POLR1A: variants seen among roughly 807,000 people sequenced by gnomAD.
POLR1A encodes the protein DNA-directed RNA polymerase I subunit RPA1.
Under a neutral mutation model 205.3 loss-of-function variants are expected in POLR1A, and 84 were observed. The ratio of observed to expected loss-of-function variants is 0.41; its 90% CI spans 0.34 to 0.49. The LOEUF (loss-of-function observed/expected upper bound fraction) is 0.49. Among genes scored for constraint, POLR1A ranks in the 20% least tolerant of loss-of-function variants. The pLI is 0.22. For synonymous variants in POLR1A, 799 were observed against 863.7 expected (o/e 0.93, Z 1.31); for missense variants, 1,645 against 2,204.5 (o/e 0.75, Z 5.08).
chr2:86,027,918 T>G lies in POLR1A; in HGVS notation c.5029A>C (p.Ser1677Arg). 6.2e-7 allele frequency: 1 copy of G among 1,614,246 alleles called. No homozygotes were observed. Among genetic ancestry groups the G allele is most frequent in the Non-Finnish European group, 8.5e-7 (1 of 1,180,044 alleles). ...SPLQQMTFETSFQFLKQATML... is the reference protein window; with the variant it reads ...SPLQQMTFETRFQFLKQATML... ...GTGGCTTGCTTCAGAAACTGGAAGC[T>G]GGTTTCAAATGTCATCTGCTGTAGC... Residue 1677 changes from serine to arginine, a missense_variant, in exon 33 of 34, where the codon AGC (serine) becomes CGC (arginine). Coordinates refer to ENST00000263857, the MANE Select transcript of POLR1A (RefSeq NM_015425.6).
chr2:86,022,067 TTAAA>T lies in POLR1A; in HGVS notation c.*5352_*5355del, dbSNP rs1183658265. On this transcript the variant is annotated 3_prime_UTR_variant, in exon 34 of 34. Coordinates refer to ENST00000263857, the MANE Select transcript of POLR1A (RefSeq NM_015425.6). Reference sequence around the variant, plus strand: ...TAAAGAACTTAAGGAACGAATCTGATTAAATAATTATGATTTAGCATTTTAAGTG... The same window carrying T: ...TAAAGAACTTAAGGAACGAATCTGATTAATTATGATTTAGCATTTTAAGTG... The T allele has an allele frequency of 6.6e-6, 1 of 152,224 alleles. No individual in the cohort carries two copies. Among genetic ancestry groups the T allele is most frequent in the African/African-American group, 2.4e-5 (1 of 41,450 alleles). The allele number at this position is 152,224 out of a possible 1,614,324, so 9.4% of individuals were successfully genotyped here.
intron 6 of POLR1A, among the ~76,000 whole-genome samples, chr2:86,085,118 C>T (rs1054280421): frequency 2.0e-5 from 3 of 152,082 alleles, no homozygotes; most frequent in Non-Finnish European, 4.4e-5. Context: ...TCCACCACCA[C>T]GCCCAGCTAA....
intron 3 of POLR1A, among the ~76,000 whole-genome samples, chr2:86,092,269 A>G (rs927606930): frequency 2.0e-5 from 3 of 152,228 alleles, no homozygotes; most frequent in African/African-American, 7.2e-5. Context: ...CTAGCTGGGC[A>G]TATCCTACGG....
At chr2:86,090,022 A>T (rs1673573763) in intron 3 of POLR1A, 93 bp from the exon 4 acceptor site, 2 of 691,416 alleles carry the variant, frequency 2.9e-6, no homozygotes, top group Non-Finnish European at 5.2e-6. Flanking sequence ...GGTGGAAAAG[A>T]TTCATTTGAA....
Position 86,044,045 on chromosome 2 carries a change from G to A in POLR1A, c.3135+94C>T, listed in dbSNP as rs1573807885. 3.3e-6 allele frequency: 4 copies of A among 1,229,584 alleles called. No individual in the cohort carries two copies. In the East Asian group the frequency reaches 9.5e-5, roughly 29 times the overall value. The allele number at this position is 1,229,584 out of a possible 1,614,324, so 76.2% of individuals were successfully genotyped here. ...CACTCTACTTTCCAATGGCCACTTG[G>A]ACTGGGTTGCAAAGCTCAGCGCATT... On this transcript the variant is annotated intron_variant, in intron 22 of 33. Coordinates refer to ENST00000263857, the MANE Select transcript of POLR1A (RefSeq NM_015425.6).
intron 16 of POLR1A, among the ~76,000 whole-genome samples, chr2:86,050,349 G>C (rs1429097976): frequency 1.3e-5 from 2 of 152,238 alleles, no homozygotes; most frequent in African/African-American, 4.8e-5. Flanking sequence ...CCCAACGCAA[G>C]GTCCTGGAGG....
chr2:86,077,852 CACACA>C lies in POLR1A; in HGVS notation c.1380+2_1380+6del. Reference sequence around the variant, plus strand: ...ACACACACACACACACACACACACACACACACCATGGGAATTCCAATTTCGTTGGT... The same window carrying C: ...ACACACACACACACACACACACACACCCATGGGAATTCCAATTTCGTTGGT... On this transcript the variant is annotated splice_donor_variant and splice_donor_5th_base_variant and intron_variant, in intron 11 of 33. Transcript: ENST00000263857. LOFTEE classifies it high-confidence loss of function. The C allele has an allele frequency of 6.4e-7, 1 of 1,553,102 alleles. No individual in the cohort carries two copies. The highest frequency in any genetic ancestry group is 1.4e-5 in the African/African-American group (1 of 69,938).
At chr2:86,104,217 G>C (rs928730008) in intron 1 of POLR1A, among the ~76,000 whole-genome samples, 2 of 152,068 alleles carry the variant, frequency 1.3e-5, no homozygotes, top group African/African-American at 4.8e-5. Context: ...GGAAGGAAAA[G>C]ACAATTCAAA....
At chr2:86,096,862 C>A (rs940635233) in intron 3 of POLR1A, among the ~76,000 whole-genome samples, 1 of 152,020 alleles carries the variant, frequency 6.6e-6, no homozygotes, top group Non-Finnish European at 1.5e-5. Context: ...CCAAAATAAA[C>A]AAATGAGATT....
intron 24 of POLR1A, among the ~76,000 whole-genome samples, chr2:86,040,760 C>T (rs984405678): frequency 6.6e-6 from 1 of 152,152 alleles, no homozygotes; most frequent in Non-Finnish European, 1.5e-5. Context: ...CAGCACAGAT[C>T]CCAGCTGGGT....
At chr2:86,067,897 A>T (rs1024746574) in intron 13 of POLR1A, among the ~76,000 whole-genome samples, 2 of 152,248 alleles carry the variant, frequency 1.3e-5, no homozygotes, top group African/African-American at 4.8e-5. Flanking sequence ...GAATGAAAGT[A>T]CAGTGAATCT....
chr2:86,090,434 T>C (rs1673582079), intron 3 of POLR1A, among the ~76,000 whole-genome samples: 1 of 136,514 alleles, frequency 7.3e-6, no homozygotes, highest in African/African-American at 2.8e-5. Flanking sequence ...CTACGTCCAA[T>C]AATGGTGGGC....
intron 3 of POLR1A, among the ~76,000 whole-genome samples, chr2:86,091,489 A>C (rs764664029): frequency 3.0e-4 from 46 of 152,208 alleles, no homozygotes; most frequent in Non-Finnish European, 5.7e-4. Context: ...GGGACAGGGA[A>C]AGGAGGGAGG....
chr2:86,065,535 C>A, intron 13 of POLR1A, 70 bp from the exon 14 acceptor site: 1 of 1,342,762 alleles, frequency 7.4e-7, no homozygotes, highest in South Asian at 1.3e-5. Flanking sequence ...TCCCTAATCG[C>A]CTGCCTGGAA....
At position 86,070,197 on chromosome 2, in the gene POLR1A, CCTGGATGGAGGGT is replaced by C; in HGVS notation, c.1674_1686del (p.Ser560ThrfsTer31). 6.2e-7 allele frequency: 1 copy of C among 1,614,126 alleles called. No individual in the cohort carries two copies. The highest frequency in any genetic ancestry group is 8.5e-7 in the Non-Finnish European group (1 of 1,180,014). On this transcript the variant is annotated frameshift_variant, in exon 13 of 34. Transcript: ENST00000263857. LOFTEE classifies it high-confidence loss of function. The surrounding 1 kb of genome is among the most constrained non-coding windows in gnomAD (Gnocchi z 4.4). ...TCAGGCAGGATGCGGGCACGGTGGG[CCTGGATGGAGGGT>C]CTGTGCAGTGTGGGCTGTCGGTTCA...
chr2:86,082,057 A>G (rs536328223), intron 7 of POLR1A, among the ~76,000 whole-genome samples: 1 of 152,102 alleles, frequency 6.6e-6, no homozygotes, highest in Non-Finnish European at 1.5e-5. Context: ...GCTGGTCTCG[A>G]ACTCCTGGGC....
chr2:86,082,400 C>T (rs533968925), intron 7 of POLR1A, among the ~76,000 whole-genome samples: 2 of 152,252 alleles, frequency 1.3e-5, no homozygotes, highest in African/African-American at 2.4e-5. Context: ...CCTCCTCCCA[C>T]CCCTAACAGT....
chr2:86,024,012 G>T lies in POLR1A; in HGVS notation c.*3411C>A, dbSNP rs774596537. 1 of 152,408 alleles carries T rather than the reference G, an allele frequency of 6.6e-6. No homozygotes were observed. The highest frequency in any genetic ancestry group is 6.5e-5 in the Admixed American group (1 of 15,284). The allele number at this position is 152,408 out of a possible 1,614,324, so 9.4% of individuals were successfully genotyped here. ...GATCTGCCCGCCTCGGCCTCCCAAC[G>T]TATTGGGATTACAGGTGTGAACGCC... On this transcript the variant is annotated 3_prime_UTR_variant, in exon 34 of 34. Coordinates refer to ENST00000263857, the MANE Select transcript of POLR1A (RefSeq NM_015425.6).
rs56946673 is a variant in POLR1A, at chr2:86,075,797, C to T, written c.1381-537G>A. Among the ~76,000 whole-genome samples the T allele has an allele frequency of 5.2e-3, 788 of 152,336 alleles. 9 individuals carry two copies. The highest frequency in any genetic ancestry group is 0.017 in the African/African-American group (719 of 41,572). On this transcript the variant is annotated intron_variant, in intron 11 of 33. Coordinates refer to ENST00000263857, the MANE Select transcript of POLR1A (RefSeq NM_015425.6). ...TGCTGGGATTACAGGCGTGAGCCAC[C>T]GCGCCCAGCCAATTTTTTCACCCAG... is the stretch of plus-strand genomic sequence containing the variant.
Sources: allele counts gnomAD v4.1 joint callset (sites outside exome capture counted in the v4.1 genomes callset), GRCh38; gene constraint gnomAD v4.1.1; non-coding constraint Gnocchi (gnomAD v3.1); transcripts MANE v1.5; gene names NCBI Gene and HGNC (gene_info 2026-07-23, HGNC 2026-07-21).